LHFPL6: variants seen among roughly 807,000 people sequenced by gnomAD.
LHFPL6 encodes the protein LHFPL tetraspan subfamily member 6 protein.
Under a neutral mutation model 20.6 loss-of-function variants are expected in LHFPL6, and 9 were observed. The ratio of observed to expected loss-of-function variants is 0.44; its 90% CI spans 0.26 to 0.76. The LOEUF (loss-of-function observed/expected upper bound fraction) is 0.76, where lower values mean the gene tolerates loss of function less well. Ranked by LOEUF, LHFPL6 falls within the 30% of genes least tolerant of loss-of-function variation. The pLI is 0.20. For missense variants in LHFPL6, 218 were observed against 253.5 expected, an observed-to-expected ratio of 0.86 and a Z score of 0.95; for synonymous variants, 105 against 98.7, an observed-to-expected ratio of 1.06 and a Z score of -0.38.
At chr13:39,496,060 A>G (rs1282121295) in intron 2 of LHFPL6, among the ~76,000 whole-genome samples, 1 of 152,202 alleles carries the variant, frequency 6.6e-6, no homozygotes, top group East Asian at 1.9e-4. Flanking sequence ...ACTCTATGGA[A>G]AAGGGAGATT....
chr13:39,434,755 C>T (rs1566110824), intron 2 of LHFPL6, among the ~76,000 whole-genome samples: 1 of 152,112 alleles, frequency 6.6e-6, no homozygotes, highest in East Asian at 1.9e-4. Flanking sequence ...TAAGAATATC[C>T]TTGATAAAGA....
At chr13:39,428,461 C>T (rs542367400) in intron 2 of LHFPL6, among the ~76,000 whole-genome samples, 6 of 152,120 alleles carry the variant, frequency 3.9e-5, no homozygotes, top group Non-Finnish European at 7.4e-5. Flanking sequence ...TCCACATCAT[C>T]TAAGTTGTCA....
chr13:39,583,318 A>C (rs1242040152), intron 2 of LHFPL6, among the ~76,000 whole-genome samples: 1 of 151,934 alleles, frequency 6.6e-6, no homozygotes, highest in Non-Finnish European at 1.5e-5. Context: ...GATCACAGGC[A>C]CATGCCACCA....
chr13:39,571,399 C>T (rs1885758), intron 2 of LHFPL6, among the ~76,000 whole-genome samples: 131,372 of 152,188 alleles, frequency 0.86, 56,818 homozygotes, highest in South Asian at 0.93. Flanking sequence ...GTCTTTGCCT[C>T]AACCTTTTGC....
chr13:39,407,329 C>T (rs1405109642), intron 2 of LHFPL6, among the ~76,000 whole-genome samples: 4 of 152,162 alleles, frequency 2.6e-5, no homozygotes, highest in African/African-American at 9.7e-5. Context: ...CCAGACCAAG[C>T]CCTTCTGAGT....
At chr13:39,496,622 A>G (rs1869109810) in intron 2 of LHFPL6, among the ~76,000 whole-genome samples, 1 of 152,232 alleles carries the variant, frequency 6.6e-6, no homozygotes, top group Admixed American at 6.5e-5. Flanking sequence ...TTCTGGAGAA[A>G]ACAGGCTGGA....
At chr13:39,445,559 G>C (rs958990792) in intron 2 of LHFPL6, among the ~76,000 whole-genome samples, 5 of 152,176 alleles carry the variant, frequency 3.3e-5, no homozygotes, top group Non-Finnish European at 7.4e-5. Flanking sequence ...TCCCTGCCCA[G>C]GAAGGGTATT....
intron 2 of LHFPL6, among the ~76,000 whole-genome samples, chr13:39,403,033 T>C (rs1871031431): frequency 6.6e-6 from 1 of 152,164 alleles, no homozygotes; most frequent in South Asian, 2.1e-4. Context: ...TCGAAGGAAT[T>C]CCCTCAACGG....
chr13:39,354,580 G>C (rs184238754), intron 3 of LHFPL6, among the ~76,000 whole-genome samples: 1 of 152,134 alleles, frequency 6.6e-6, no homozygotes, highest in African/African-American at 2.4e-5. Flanking sequence ...TCAGAATATG[G>C]ATGGGAAAGA....
At chr13:39,506,371 G>A (rs750301573) in intron 2 of LHFPL6, among the ~76,000 whole-genome samples, 55 of 152,112 alleles carry the variant, frequency 3.6e-4, no homozygotes, top group Non-Finnish European at 7.4e-4. Flanking sequence ...TGATGAATAC[G>A]AAGACCAACT....
chr13:39,442,814 C>A (rs1872175976), intron 2 of LHFPL6, among the ~76,000 whole-genome samples: 1 of 152,132 alleles, frequency 6.6e-6, no homozygotes, highest in African/African-American at 2.4e-5. Context: ...AAACTCCATC[C>A]CTCGCTTTTA....
chr13:39,481,223 C>A (rs1209107842), intron 2 of LHFPL6, among the ~76,000 whole-genome samples: 1 of 152,242 alleles, frequency 6.6e-6, no homozygotes, highest in East Asian at 1.9e-4. Context: ...CTATATATGA[C>A]TGAAATACAA....
chr13:39,549,872 A>G (rs921680240), intron 2 of LHFPL6, among the ~76,000 whole-genome samples: 2 of 152,130 alleles, frequency 1.3e-5, no homozygotes, highest in African/African-American at 4.8e-5. Flanking sequence ...ACACAACAAC[A>G]TGGATGAATC....
At chr13:39,388,084 T>A (rs1316256074) in intron 2 of LHFPL6, among the ~76,000 whole-genome samples, 1 of 152,308 alleles carries the variant, frequency 6.6e-6, no homozygotes, top group African/African-American at 2.4e-5. Flanking sequence ...AAAGCATATC[T>A]TATTCAAACA....
chr13:39,408,679 C>T lies in LHFPL6; in HGVS notation c.386-30153G>A, dbSNP rs73456987. Among the ~76,000 whole-genome samples the T allele has an allele frequency of 2.8e-3, 421 of 152,274 alleles. 3 individuals are homozygous for T. The highest frequency in any genetic ancestry group is 9.8e-3 in the African/African-American group (407 of 41,544). ...GGCTTGAGCCTTTGAAAATAAAAGT[C>T]AGGTTCAAATATAAGCGGACCATGG... On this transcript the variant is annotated intron_variant, in intron 2 of 3. Coordinates refer to ENST00000379589, the MANE Select transcript of LHFPL6 (RefSeq NM_005780.3).
intron 2 of LHFPL6, among the ~76,000 whole-genome samples, chr13:39,402,310 G>T (rs1481402179): frequency 3.9e-5 from 6 of 152,008 alleles, no homozygotes; most frequent in Admixed American, 2.0e-4. Context: ...CTGTAACCTT[G>T]AACTCCTGGG....
chr13:39,473,537 T>C (rs1477972153), intron 2 of LHFPL6, among the ~76,000 whole-genome samples: 2 of 152,026 alleles, frequency 1.3e-5, no homozygotes. Flanking sequence ...AGACTTAGTT[T>C]AATTTCTTCC....
intron 2 of LHFPL6, among the ~76,000 whole-genome samples, chr13:39,552,391 T>A (rs978135): frequency 0.88 from 133,695 of 152,082 alleles, 59,016 homozygotes; most frequent in African/African-American, 0.94. Context: ...TAATGGCACA[T>A]AAACCATTGT....
chr13:39,358,986 C>T (rs934888012), intron 3 of LHFPL6, among the ~76,000 whole-genome samples: 2 of 152,120 alleles, frequency 1.3e-5, no homozygotes, highest in African/African-American at 4.8e-5. Context: ...GCCTGGCCAA[C>T]ATGGTGAAAC....
Sources: allele counts gnomAD v4.1 joint callset (sites outside exome capture counted in the v4.1 genomes callset), GRCh38; gene constraint gnomAD v4.1.1; transcripts MANE v1.5; gene names NCBI Gene and HGNC (gene_info 2026-07-23, HGNC 2026-07-21).